The following CDH13 variants were observed in gnomAD, a reference collection of about 807,000 sequenced individuals.
The protein encoded by CDH13 is cadherin 13.
Under a neutral mutation model 63.8 loss-of-function variants are expected in CDH13, and 24 were observed. The observed-to-expected ratio is 0.38, with a 90% confidence interval of 0.27 to 0.53. The LOEUF is 0.53. Ranked by LOEUF, CDH13 falls within the 20% of genes least tolerant of loss-of-function variation. The pLI is 0.85. For missense variants in CDH13, 1,049 were observed against 903.1 expected, an observed-to-expected ratio of 1.16 and a Z score of -2.07; for synonymous variants, 503 against 355.3, an observed-to-expected ratio of 1.42 and a Z score of -4.67.
At chr16:83,007,384 A>G (rs1258432107) in intron 2 of CDH13, among the ~76,000 whole-genome samples, 1 of 152,226 alleles carries the variant, frequency 6.6e-6, no homozygotes, top group Non-Finnish European at 1.5e-5. Context: ...TGAGGAAACT[A>G]TGGTTCAAAA....
chr16:82,991,140 G>C (rs983272019), intron 2 of CDH13, among the ~76,000 whole-genome samples: 4 of 152,122 alleles, frequency 2.6e-5, no homozygotes, highest in Non-Finnish European at 4.4e-5. Context: ...CTTCTCCCAA[G>C]CAACAGTGAC....
At chr16:82,892,995 T>C (rs2041134680) in intron 2 of CDH13, among the ~76,000 whole-genome samples, 1 of 152,242 alleles carries the variant, frequency 6.6e-6, no homozygotes, top group South Asian at 2.1e-4. Context: ...CTTTACTATA[T>C]ACTTGTTTGA....
intron 8 of CDH13, among the ~76,000 whole-genome samples, chr16:83,670,362 G>T (rs553793814): frequency 6.6e-6 from 1 of 152,308 alleles, no homozygotes; most frequent in East Asian, 1.9e-4. Flanking sequence ...TGATAGTTCA[G>T]GACAGGTGTT....
chr16:83,242,304 A>G (rs891088833), intron 5 of CDH13, among the ~76,000 whole-genome samples: 6 of 152,214 alleles, frequency 3.9e-5, no homozygotes, highest in African/African-American at 1.4e-4. Flanking sequence ...GAACCAAAAG[A>G]TGGACAGATT....
At chr16:83,248,607 G>T (rs554035406) in intron 5 of CDH13, among the ~76,000 whole-genome samples, 1 of 152,188 alleles carries the variant, frequency 6.6e-6, no homozygotes, top group South Asian at 2.1e-4. Context: ...TCCTGGTTCC[G>T]TTTCTGTCTC....
At chr16:83,507,986 C>T (rs920184303) in intron 7 of CDH13, among the ~76,000 whole-genome samples, 2 of 149,362 alleles carry the variant, frequency 1.3e-5, no homozygotes, top group East Asian at 3.9e-4. Flanking sequence ...GAGCCGAGAT[C>T]GCGCCACTGC....
At chr16:82,674,303 C>A (rs1353309979) in intron 1 of CDH13, among the ~76,000 whole-genome samples, 1 of 152,158 alleles carries the variant, frequency 6.6e-6, no homozygotes, top group Non-Finnish European at 1.5e-5. Context: ...ATGAAGATCC[C>A]TTTCTTCAGG....
chr16:83,598,661 G>T (rs552808432), intron 7 of CDH13, among the ~76,000 whole-genome samples: 2 of 152,194 alleles, frequency 1.3e-5, no homozygotes, highest in African/African-American at 2.4e-5. Context: ...AAATGTATTA[G>T]CTCATAGAAT....
intron 6 of CDH13, among the ~76,000 whole-genome samples, chr16:83,422,797 G>A (rs916573887): frequency 2.6e-5 from 4 of 152,138 alleles, no homozygotes; most frequent in African/African-American, 9.7e-5. Flanking sequence ...CTTTCCTCAT[G>A]AGCCTGTTTT....
chr16:83,587,069 C>T (rs1906236571), intron 7 of CDH13, among the ~76,000 whole-genome samples: 1 of 152,084 alleles, frequency 6.6e-6, no homozygotes, highest in Non-Finnish European at 1.5e-5. Flanking sequence ...GGAATTATGG[C>T]CAGCAATAGA....
chr16:83,614,006 A>G (rs1291536486), intron 8 of CDH13, among the ~76,000 whole-genome samples: 1 of 152,206 alleles, frequency 6.6e-6, no homozygotes, highest in Non-Finnish European at 1.5e-5. Context: ...AGCATCCATT[A>G]ATAGATACTT....
At chr16:82,823,911 A>C (rs2038122906) in intron 1 of CDH13, 1 of 152,174 alleles carries the variant, frequency 6.6e-6, no homozygotes, top group South Asian at 2.1e-4. Flanking sequence ...AAAAAGCCCT[A>C]GAAACAGTGA....
intron 6 of CDH13, among the ~76,000 whole-genome samples, chr16:83,471,793 A>G (rs1017646123): frequency 6.6e-6 from 1 of 152,202 alleles, no homozygotes; most frequent in Non-Finnish European, 1.5e-5. Flanking sequence ...GCTCTCAGCA[A>G]CTTGCAAGGA....
At chr16:83,203,388 A>G (rs936667813) in intron 4 of CDH13, among the ~76,000 whole-genome samples, 3 of 151,848 alleles carry the variant, frequency 2.0e-5, no homozygotes, top group African/African-American at 7.3e-5. Flanking sequence ...ACATAGTAAA[A>G]TAAGATTTAA....
intron 2 of CDH13, among the ~76,000 whole-genome samples, chr16:82,891,400 G>C (rs2041077063): frequency 6.6e-6 from 1 of 152,150 alleles, no homozygotes; most frequent in South Asian, 2.1e-4. Flanking sequence ...TCAAGGTTAA[G>C]ACTCAAGGGC....
intron 7 of CDH13, among the ~76,000 whole-genome samples, chr16:83,572,430 A>G (rs2150708121): frequency 6.6e-6 from 1 of 152,288 alleles, no homozygotes; most frequent in Non-Finnish European, 1.5e-5. Flanking sequence ...CACAAGCCAC[A>G]GACCTGGCCT....
chr16:83,154,740 C>T (rs1408767478), intron 4 of CDH13, among the ~76,000 whole-genome samples: 1 of 152,148 alleles, frequency 6.6e-6, no homozygotes, highest in Non-Finnish European at 1.5e-5. Flanking sequence ...CAGTGAAGAA[C>T]TAACATTATA....
chr16:82,826,057 A>C (rs1003218395), intron 1 of CDH13: 3 of 152,018 alleles, frequency 2.0e-5, no homozygotes. Context: ...GGGTTTCACC[A>C]TGTTGGCCAG....
chr16:83,014,965 G>C (rs1258103670), intron 2 of CDH13, among the ~76,000 whole-genome samples: 1 of 149,076 alleles, frequency 6.7e-6, no homozygotes, highest in Non-Finnish European at 1.5e-5. Context: ...TTCAGCAATA[G>C]GGAACTGCTT....
Sources: allele counts gnomAD v4.1 joint callset (sites outside exome capture counted in the v4.1 genomes callset), GRCh38; gene constraint gnomAD v4.1.1; transcripts MANE v1.5; gene names NCBI Gene and HGNC (gene_info 2026-07-23, HGNC 2026-07-21).